Variants in ABTB2 observed in about 807,000 individuals in gnomAD.
The protein encoded by ABTB2 is ankyrin repeat and BTB domain containing 2, also known as ankyrin repeat and BTB/POZ domain-containing protein 2.
A neutral mutation model predicts 104.1 loss-of-function variants in ABTB2; 56 were observed. That is an observed-to-expected ratio of 0.54 (90% confidence interval 0.43 to 0.67). ABTB2 has a LOEUF of 0.67. ABTB2 is among the 30% of genes least tolerant of loss of function. ABTB2 has a pLI of 0.00. For synonymous variants in ABTB2, 606 were observed against 608.2 expected (o/e 1.00, Z 0.05); for missense variants, 1,279 against 1,407.7 (o/e 0.91, Z 1.46).
chr11:34,184,819 C>A (rs1285501246), intron 3 of ABTB2, among the ~76,000 whole-genome samples: 1 of 152,274 alleles, frequency 6.6e-6, no homozygotes, highest in Non-Finnish European at 1.5e-5. Flanking sequence ...CTCACTGCAG[C>A]CATGTGCCAG....
intron 1 of ABTB2, among the ~76,000 whole-genome samples, chr11:34,254,963 C>A (rs1854103746): frequency 6.6e-6 from 1 of 152,094 alleles, no homozygotes; most frequent in Non-Finnish European, 1.5e-5. Context: ...CCATGCCCAG[C>A]CCTGATTTTA....
chr11:34,274,774 T>G (rs1273915365), intron 1 of ABTB2, among the ~76,000 whole-genome samples: 1 of 152,162 alleles, frequency 6.6e-6, no homozygotes, highest in Non-Finnish European at 1.5e-5. Context: ...CCATTAGGCA[T>G]GCAGGTCAGC....
chr11:34,203,376 C>T (rs1853368012), intron 2 of ABTB2, among the ~76,000 whole-genome samples: 1 of 152,228 alleles, frequency 6.6e-6, no homozygotes, highest in Admixed American at 6.5e-5. Context: ...AACCAAGGTG[C>T]TCTCCAGTGG....
At chr11:34,306,260 T>TC (rs1854769786) in intron 1 of ABTB2, among the ~76,000 whole-genome samples, 1 of 139,900 alleles carries the variant, frequency 7.1e-6, no homozygotes, top group African/African-American at 2.9e-5. Context: ...TTTTTTTTTT[T>TC]TTTTTGAGAC....
chr11:34,321,228 G>A (rs549414049), intron 1 of ABTB2, among the ~76,000 whole-genome samples: 1 of 152,300 alleles, frequency 6.6e-6, no homozygotes, highest in Admixed American at 6.5e-5. Flanking sequence ...TTTGGGTCAA[G>A]TCATTGCAAG....
rs372453958 is a variant in ABTB2 at position 34,171,567 on chromosome 11, CTG to C, written c.1398-498_1398-497del. On this transcript the variant is annotated intron_variant, in intron 4 of 16. Coordinates refer to ENST00000435224, the MANE Select transcript of ABTB2 (RefSeq NM_145804.3). ...CCAGCCTGGACAATAGAGCAAGACT[CTG>C]TCTCAATCAATCAATCAATAAGTAA... is the stretch of plus-strand genomic sequence containing the variant. Among the ~76,000 whole-genome samples the C allele has an allele frequency of 2.2e-3, 341 of 152,276 alleles. 2 individuals are homozygous for C. Among genetic ancestry groups the C allele is most frequent in the African/African-American group, 7.9e-3 (328 of 41,570 alleles).
At chr11:34,319,194 C>G (rs1199946559) in intron 1 of ABTB2, among the ~76,000 whole-genome samples, 1 of 152,252 alleles carries the variant, frequency 6.6e-6, no homozygotes, top group African/African-American at 2.4e-5. Flanking sequence ...CTTCCTGGAT[C>G]TGACACACAA....
intron 3 of ABTB2, among the ~76,000 whole-genome samples, chr11:34,194,197 C>T (rs1853218214): frequency 1.3e-5 from 2 of 152,210 alleles, no homozygotes; most frequent in South Asian, 4.1e-4. Context: ...ACCCATATCA[C>T]CAAACTGAGC....
At chr11:34,338,629 C>T (rs908957924) in intron 1 of ABTB2, among the ~76,000 whole-genome samples, 6 of 151,864 alleles carry the variant, frequency 4.0e-5, no homozygotes, top group African/African-American at 9.7e-5. Context: ...TCACTTGAAC[C>T]GGGGCAAGGC....
intron 1 of ABTB2, among the ~76,000 whole-genome samples, chr11:34,226,204 T>TAAA (rs34915007): frequency 5.0e-4 from 40 of 79,518 alleles, no homozygotes; most frequent in Non-Finnish European, 6.6e-4. Flanking sequence ...GAGAGTCCAT[T>TAAA]AAAAAAAAAA....
chr11:34,174,013 G>A (rs1204546387), intron 3 of ABTB2, among the ~76,000 whole-genome samples: 1 of 152,146 alleles, frequency 6.6e-6, no homozygotes, highest in East Asian at 1.9e-4. Context: ...GCCAGGCCAG[G>A]TTGCCCCCAG....
intron 1 of ABTB2, among the ~76,000 whole-genome samples, chr11:34,323,906 CTTTTTTTTTT>C (rs56375939): frequency 7.8e-5 from 5 of 63,878 alleles, no homozygotes; most frequent in Admixed American, 4.2e-4. Context: ...TAAATTCCCT[CTTTTTTTTTT>C]TTTTTTTTTT....
intron 3 of ABTB2, among the ~76,000 whole-genome samples, chr11:34,183,122 C>T (rs1565134725): frequency 6.6e-6 from 1 of 151,988 alleles, no homozygotes; most frequent in African/African-American, 2.4e-5. Context: ...TCCTTTGAGT[C>T]AGGGTCTTGC....
In ABTB2 at chr11:34,340,379, A is replaced by T. The variant is rs549059586; in HGVS notation, c.883+16322T>A. On this transcript the variant is annotated intron_variant, in intron 1 of 16. Transcript: ENST00000435224. ...GCTTTACTTAGCATCATCCCATTTA[A>T]TTCGCACAACCAGCCTGCCAGGTAG... Among the ~76,000 whole-genome samples the T allele has an allele frequency of 9.2e-5, 14 of 152,324 alleles. No individual in the cohort carries two copies. The South Asian group carries it at 2.9e-3, about 32-fold the overall frequency.
chr11:34,356,819 T>C lies in ABTB2; in HGVS notation c.765A>G (p.Gly255=). 1 of 1,607,232 alleles carries C rather than the reference T, an allele frequency of 6.2e-7. No homozygotes were observed. Among genetic ancestry groups the C allele is most frequent in the Non-Finnish European group, 8.5e-7 (1 of 1,176,914 alleles). Reference sequence around the variant, plus strand: ...CAGACACCTCCCCGCCTCCGGCCCCTCCGCCATCAGGGCTGTGGCTGGCCA... The same window carrying C: ...CAGACACCTCCCCGCCTCCGGCCCCCCCGCCATCAGGGCTGTGGCTGGCCA... ...RVMASHSPDG[G]GAGGGEVSAE... Residue 255 remains glycine (G), a synonymous_variant, in exon 1 of 17, where the codon GGA becomes GGG. Transcript: ENST00000435224. The surrounding 1 kb of genome is among the most constrained non-coding windows in gnomAD (Gnocchi z 4.6).
rs903641747 is a variant in ABTB2, at chr11:34,204,622, C to T, written c.952G>A (p.Asp318Asn). ...CGGAGCTCCAGCTGGGCATAGGCAT[C>T]GGCTCGCTCGTCATGGCCCAGGGAC... is the stretch of plus-strand genomic sequence containing the variant. The part of the protein sequence containing the change: ...GGSLGHDERA[D>N]AYAQLELRTL... The change falls in exon 2 of 17, where the codon GAT becomes AAT. Residue 318 changes from aspartate to asparagine, a missense_variant. Physicochemically the swap from Asp to Asn is conservative, Grantham distance 23. Transcript: ENST00000435224. 9.3e-6 allele frequency: 15 copies of T among 1,612,286 alleles called. No individual in the cohort carries two copies. Among genetic ancestry groups the T allele is most frequent in the Admixed American group, 1.7e-5 (1 of 59,908 alleles).
chr11:34,340,238 C>T (rs2745916), intron 1 of ABTB2, among the ~76,000 whole-genome samples: 137 of 152,156 alleles, frequency 9.0e-4, no homozygotes, highest in Non-Finnish European at 1.4e-3. Context: ...GGAGAAAATG[C>T]GAACAATACG....
chr11:34,277,695 G>C (rs972976839), intron 1 of ABTB2, among the ~76,000 whole-genome samples: 4 of 151,024 alleles, frequency 2.6e-5, no homozygotes, highest in Admixed American at 6.6e-5. Context: ...CAGGAGAATC[G>C]CTTGAACCCA....
intron 1 of ABTB2, among the ~76,000 whole-genome samples, chr11:34,308,707 T>TA (rs1854808156): frequency 6.6e-6 from 1 of 151,432 alleles, no homozygotes; most frequent in African/African-American, 2.4e-5. Flanking sequence ...CTGTCTGCAC[T>TA]AAAAATACAA....
Sources: gnomAD v4.1 joint callset for allele counts (sites outside exome capture counted in the v4.1 genomes callset) on GRCh38, gnomAD v4.1.1 for gene constraint, Gnocchi (gnomAD v3.1) non-coding constraint, MANE v1.5 for transcripts, NCBI Gene and HGNC (gene_info 2026-07-23, HGNC 2026-07-21) for gene names.